IMMP2L: variants seen among roughly 807,000 people sequenced by gnomAD.
IMMP2L encodes inner mitochondrial membrane peptidase subunit 2.
A neutral mutation model predicts 19.3 loss-of-function variants in IMMP2L; 18 were observed. That is an observed-to-expected ratio of 0.93 (90% confidence interval 0.64 to 1.38). The LOEUF is 1.38. Among genes scored for constraint, IMMP2L ranks in the 40% most tolerant of loss-of-function variants. The pLI, the probability that IMMP2L is intolerant of heterozygous loss-of-function variation, is 0.00. For missense variants in IMMP2L, 233 were observed against 218.2 expected (o/e 1.07, Z -0.43); for synonymous variants, 76 against 73.0 (o/e 1.04, Z -0.21).
chr7:111,220,806 T>C (rs1812432349), intron 3 of IMMP2L, among the ~76,000 whole-genome samples: 3 of 151,946 alleles, frequency 2.0e-5, no homozygotes, highest in South Asian at 2.1e-4. Context: ...GCCAATGGTA[T>C]AGATTCCAGT....
intron 3 of IMMP2L, among the ~76,000 whole-genome samples, chr7:111,002,253 C>CA (rs1823790207): frequency 6.6e-6 from 1 of 152,068 alleles, no homozygotes; most frequent in South Asian, 2.1e-4. Context: ...AAAGCCTCTC[C>CA]AGCCCAGAGG....
chr7:111,301,772 T>C (rs1383664732), intron 3 of IMMP2L, among the ~76,000 whole-genome samples: 1 of 151,994 alleles, frequency 6.6e-6, no homozygotes, highest in African/African-American at 2.4e-5. Context: ...CACATCTGTG[T>C]AGGCTATTTC....
intron 5 of IMMP2L, among the ~76,000 whole-genome samples, chr7:110,792,353 CTAAG>C (rs1800519371): frequency 6.7e-6 from 1 of 149,810 alleles, no homozygotes; most frequent in African/African-American, 2.5e-5. Context: ...TTTCCCTTCT[CTAAG>C]TCTTATTCAG....
intron 5 of IMMP2L, among the ~76,000 whole-genome samples, chr7:110,745,810 A>G (rs1326501917): frequency 6.6e-6 from 1 of 152,248 alleles, no homozygotes; most frequent in African/African-American, 2.4e-5. Context: ...TCAAATTGTA[A>G]AGACCATCGA....
intron 3 of IMMP2L, among the ~76,000 whole-genome samples, chr7:111,257,889 G>A (rs377537359): frequency 2.2e-3 from 331 of 151,938 alleles, no homozygotes; most frequent in African/African-American, 6.9e-3. Flanking sequence ...CCAGCAACTC[G>A]TAATTTACAT....
In IMMP2L at chr7:110,832,599, C is replaced by T. The variant is rs372627409; in HGVS notation, c.408+53994G>A. On this transcript the variant is annotated intron_variant, in intron 5 of 5. Transcript: ENST00000405709. The stretch of plus-strand genomic sequence containing the variant: ...TCAGAACGTTGTGAAGCCCAAGTCT[C>T]GAGCTATGTACCTACCCAGAACTGA... Among the ~76,000 whole-genome samples the T allele has an allele frequency of 7.9e-5, 12 of 152,212 alleles. No homozygotes were observed. The South Asian group carries it at 1.2e-3, about 16-fold the overall frequency.
intron 1 of IMMP2L, among the ~76,000 whole-genome samples, chr7:111,537,527 C>CTTTTTTTTT: frequency 1.3e-5 from 1 of 78,554 alleles, no homozygotes; most frequent in Non-Finnish European, 2.4e-5. Context: ...ATCACTTCCA[C>CTTTTTTTTT]TTTTTTTTTT....
chr7:111,275,570 G>A (rs1423108572), intron 3 of IMMP2L, among the ~76,000 whole-genome samples: 1 of 152,128 alleles, frequency 6.6e-6, no homozygotes, highest in Non-Finnish European at 1.5e-5. Flanking sequence ...AGTGTGGGAG[G>A]TGTGCATGAG....
intron 4 of IMMP2L, among the ~76,000 whole-genome samples, chr7:110,940,123 C>T (rs557191281): frequency 6.6e-6 from 1 of 152,016 alleles, no homozygotes; most frequent in South Asian, 2.1e-4. Flanking sequence ...TTCAGACCAG[C>T]CTGGCCAACA....
At chr7:110,743,799 G>A (rs1186847311) in intron 5 of IMMP2L, among the ~76,000 whole-genome samples, 1 of 152,106 alleles carries the variant, frequency 6.6e-6, no homozygotes, top group Non-Finnish European at 1.5e-5. Context: ...CACCACCAGA[G>A]CCCTGGGTTT....
chr7:111,006,900 C>A (rs1414309686), intron 3 of IMMP2L, among the ~76,000 whole-genome samples: 1 of 152,168 alleles, frequency 6.6e-6, no homozygotes, highest in Non-Finnish European at 1.5e-5. Context: ...ATTCATATAT[C>A]TGCTGGATAT....
chr7:110,732,185 G>C (rs1372667578), intron 5 of IMMP2L, among the ~76,000 whole-genome samples: 1 of 152,152 alleles, frequency 6.6e-6, no homozygotes, highest in African/African-American at 2.4e-5. Context: ...GGTAGAGAGG[G>C]AGCTGAAGAG....
chr7:110,975,120 C>T (rs1423241748), intron 3 of IMMP2L, among the ~76,000 whole-genome samples: 1 of 151,934 alleles, frequency 6.6e-6, no homozygotes, highest in Non-Finnish European at 1.5e-5. Context: ...GATCATTATC[C>T]TACTGTAGAA....
intron 5 of IMMP2L, among the ~76,000 whole-genome samples, chr7:110,706,313 A>C (rs1025211784): frequency 6.6e-6 from 1 of 152,118 alleles, no homozygotes; most frequent in Non-Finnish European, 1.5e-5. Flanking sequence ...CATCTTGCCA[A>C]GGCTGGTCTT....
intron 3 of IMMP2L, among the ~76,000 whole-genome samples, chr7:111,381,194 C>A (rs1055418687): frequency 6.6e-6 from 1 of 151,878 alleles, no homozygotes; most frequent in African/African-American, 2.4e-5. Context: ...TAGAGAAGGG[C>A]CAGACCACAT....
intron 5 of IMMP2L, among the ~76,000 whole-genome samples, chr7:110,713,192 T>C (rs1002719068): frequency 4.6e-5 from 7 of 152,186 alleles, no homozygotes; most frequent in Non-Finnish European, 8.8e-5. Context: ...TTATTTTTGT[T>C]GGGTTTGTCA....
chr7:111,272,758 T>G (rs1818603885), intron 3 of IMMP2L, among the ~76,000 whole-genome samples: 1 of 152,204 alleles, frequency 6.6e-6, no homozygotes, highest in South Asian at 2.1e-4. Context: ...CTAGCCCTTT[T>G]CTTTGGGCCC....
chr7:110,713,078 A>T (rs969946564), intron 5 of IMMP2L, among the ~76,000 whole-genome samples: 2 of 152,060 alleles, frequency 1.3e-5, no homozygotes, highest in African/African-American at 2.4e-5. Flanking sequence ...TCTTGAGTTG[A>T]TTTTGTATAT....
rs1328160070 is a variant in IMMP2L, at chr7:111,249,758, A to G, written c.239+237480T>C. Among the ~76,000 whole-genome samples the G allele has an allele frequency of 2.0e-5, 3 of 152,170 alleles. No homozygotes were observed. The East Asian group carries it at 5.8e-4, about 29-fold the overall frequency. On this transcript the variant is annotated intron_variant, in intron 3 of 5. Coordinates refer to ENST00000405709, the MANE Select transcript of IMMP2L (RefSeq NM_032549.4). ...AATAAACTAGGTATTGAAAGAGCAT[A>G]CCTCAAAATAACCAGAGCCATATAT...
Sources: allele counts gnomAD v4.1 joint callset (sites outside exome capture counted in the v4.1 genomes callset), GRCh38; gene constraint gnomAD v4.1.1; transcripts MANE v1.5; gene names NCBI Gene and HGNC (gene_info 2026-07-23, HGNC 2026-07-21).